HIPK3: variants seen among roughly 807,000 people sequenced by gnomAD.
The protein encoded by HIPK3 is homeodomain-interacting protein kinase 3.
HIPK3 carries 47 observed loss-of-function variants against 124.2 expected under a neutral mutation model. That is an observed-to-expected ratio of 0.38 (90% confidence interval 0.30 to 0.48). The LOEUF is 0.48. Ranked by LOEUF, HIPK3 falls within the 20% of genes least tolerant of loss-of-function variation. The probability of loss-of-function intolerance (pLI) is 0.98; values close to 1 mark genes in which losing one functional copy is unlikely to be tolerated. For synonymous variants in HIPK3, 482 were observed against 515.2 expected (o/e 0.94, Z 0.87); for missense variants, 1,286 against 1,454.3 (o/e 0.88, Z 1.88).
At chr11:33,316,149 G>A (rs1315373024) in intron 2 of HIPK3, among the ~76,000 whole-genome samples, 2 of 152,200 alleles carry the variant, frequency 1.3e-5, no homozygotes, top group African/African-American at 4.8e-5. Context: ...AAAAATATTT[G>A]TAGAAGCGGT....
At chr11:33,306,147 G>A (rs1852152421) in intron 2 of HIPK3, among the ~76,000 whole-genome samples, 1 of 151,986 alleles carries the variant, frequency 6.6e-6, no homozygotes, top group Non-Finnish European at 1.5e-5. Flanking sequence ...AATGAGAATT[G>A]GTATATCAAC....
At chr11:33,342,542 CTTTT>C (rs371154303) in intron 8 of HIPK3, among the ~76,000 whole-genome samples, 36 of 135,964 alleles carry the variant, frequency 2.6e-4, no homozygotes, top group Non-Finnish European at 2.4e-4. Context: ...GCTATACATT[CTTTT>C]TTTTTTTTTT....
chr11:33,304,722 GT>G (rs956331200), intron 2 of HIPK3, among the ~76,000 whole-genome samples: 6 of 152,188 alleles, frequency 3.9e-5, no homozygotes, highest in African/African-American at 1.2e-4. Context: ...TACACATTCA[GT>G]TTTTTGATTA....
At chr11:33,258,621 G>C (rs1325657834) in intron 1 of HIPK3, 2 of 985,310 alleles carry the variant, frequency 2.0e-6, no homozygotes, top group African/African-American at 3.5e-5. Flanking sequence ...CGCACTGGGA[G>C]AACTGGCGGA....
chr11:33,313,297 GATTT>G (rs1852402001), intron 2 of HIPK3, among the ~76,000 whole-genome samples: 2 of 152,204 alleles, frequency 1.3e-5, no homozygotes, highest in Admixed American at 1.3e-4. Context: ...ATGAATCTGG[GATTT>G]ATTTATTTTT....
intron 2 of HIPK3, among the ~76,000 whole-genome samples, chr11:33,296,926 G>A (rs115377205): frequency 0.012 from 1,822 of 152,240 alleles, 41 homozygotes; most frequent in African/African-American, 0.04. Flanking sequence ...TAAGTTTAGC[G>A]AGGAAGGCGT....
chr11:33,333,942 T>C (rs1361344004), intron 3 of HIPK3, among the ~76,000 whole-genome samples: 1 of 152,242 alleles, frequency 6.6e-6, no homozygotes, highest in Non-Finnish European at 1.5e-5. Context: ...CTTTTCTGTC[T>C]GATGCAGCAT....
intron 1 of HIPK3, among the ~76,000 whole-genome samples, chr11:33,270,658 A>G (rs954306435): frequency 1.3e-5 from 2 of 152,194 alleles, no homozygotes; most frequent in African/African-American, 2.4e-5. Flanking sequence ...ATTTAAAATA[A>G]TAATAGTTGA....
chr11:33,285,130 T>C (rs1851513232), intron 1 of HIPK3, among the ~76,000 whole-genome samples: 1 of 152,226 alleles, frequency 6.6e-6, no homozygotes, highest in Non-Finnish European at 1.5e-5. Context: ...GTTTATAAAA[T>C]CATTATACAT....
In HIPK3 at chr11:33,286,311, T is replaced by C. The variant is rs1851548442; in HGVS notation, c.-2-102T>C. On this transcript the variant is annotated intron_variant, in intron 1 of 16. Transcript: ENST00000303296. ...TTTTACAAATTGTGAATTTGACCCTTAAGAGTTTTCTTCCTGATATTTAAA... is the reference window on the plus strand; with the variant it reads ...TTTTACAAATTGTGAATTTGACCCTCAAGAGTTTTCTTCCTGATATTTAAA... 3 of 1,076,282 alleles carry C rather than the reference T, an allele frequency of 2.8e-6. No homozygotes were observed. In the South Asian group the frequency reaches 6.1e-5, roughly 22 times the overall value. The allele number at this position is 1,076,282 out of a possible 1,614,324, so 66.7% of individuals were successfully genotyped here. A position where few individuals can be genotyped will look rare whatever the true frequency, so the allele number is the denominator to read the frequency against.
At chr11:33,335,870 C>T (rs906542349) in intron 3 of HIPK3, 3 of 152,144 alleles carry the variant, frequency 2.0e-5, no homozygotes, top group African/African-American at 7.2e-5. Context: ...AGAGATCTCT[C>T]TCTTTGCTAA....
At chr11:33,284,166 G>A (rs917815018) in intron 1 of HIPK3, among the ~76,000 whole-genome samples, 3 of 152,124 alleles carry the variant, frequency 2.0e-5, no homozygotes, top group Admixed American at 6.5e-5. Flanking sequence ...TTTGTTATAA[G>A]AGTAGGAGAC....
At chr11:33,325,717 A>G (rs1852792513) in intron 2 of HIPK3, among the ~76,000 whole-genome samples, 1 of 152,168 alleles carries the variant, frequency 6.6e-6, no homozygotes. Context: ...TATTCTTTAC[A>G]AGGTTCTAGG....
Position 33,353,265 on chromosome 11 carries a change from G to GCCTA in HIPK3, c.3347_3350dup (p.Leu1118TyrfsTer13). The GCCTA allele has an allele frequency of 6.2e-7, 1 of 1,614,128 alleles. No homozygotes were observed. The highest frequency in any genetic ancestry group is 8.5e-7 in the Non-Finnish European group (1 of 1,180,008). On this transcript the variant is annotated frameshift_variant, in exon 17 of 17. Coordinates refer to ENST00000303296, the MANE Select transcript of HIPK3 (RefSeq NM_005734.5). LOFTEE classifies it high-confidence loss of function. ...CTGGAAATACACACCTCGGAGGACA[G>GCCTA]CCTACTCTACTTCCATACCCATCAT...
intron 1 of HIPK3, among the ~76,000 whole-genome samples, chr11:33,282,713 C>T (rs1851444449): frequency 6.6e-6 from 1 of 151,982 alleles, no homozygotes; most frequent in African/African-American, 2.4e-5. Context: ...ATTTAATCAT[C>T]TCTTTTTCTG....
In HIPK3 at chr11:33,347,864, A is replaced by T. The variant is rs760175904; in HGVS notation, c.2157A>T (p.Ser719=). ...HRLGDWGKMI[S]CSNHYNSVMP... ...AACTTCTCCCTAGGAAGATGATTTC[A>T]TGCAGCAATCATTATAACTCAGTGA... Residue 719 remains serine (S), a synonymous_variant, in exon 11 of 17, where the codon TCA becomes TCT. Coordinates refer to ENST00000303296, the MANE Select transcript of HIPK3 (RefSeq NM_005734.5). 20 of 1,614,152 alleles carry T rather than the reference A, an allele frequency of 1.2e-5. No individual in the cohort carries two copies. The highest frequency in any genetic ancestry group is 1.6e-5 in the Non-Finnish European group (19 of 1,179,978).
chr11:33,257,793 G>T lies in HIPK3; in HGVS notation c.-99G>T. 1.0e-6 allele frequency: 1 copy of T among 986,734 alleles called. No individual in the cohort carries two copies. The highest frequency in any genetic ancestry group is 1.2e-6 in the Non-Finnish European group (1 of 830,980). 61.1% of individuals were successfully genotyped at this position (986,734 alleles called of 1,614,324 possible). A position where few individuals can be genotyped will look rare whatever the true frequency, so the allele number is the denominator to read the frequency against. The stretch of plus-strand genomic sequence containing the variant: ...GCTGGGTGGTGCCGCCTGCTGAAGC[G>T]CCTGGCTCCCGGTCCCCGGCACGGC... On this transcript the variant is annotated 5_prime_UTR_variant, in exon 1 of 17. Transcript: ENST00000303296.
intron 2 of HIPK3, among the ~76,000 whole-genome samples, chr11:33,294,209 A>C (rs952462741): frequency 1.3e-5 from 2 of 152,102 alleles, no homozygotes; most frequent in South Asian, 4.1e-4. Context: ...AGAGAAGTTT[A>C]AACTTTTTTA....
At chr11:33,338,908 C>A in intron 5 of HIPK3, 65 bp downstream of exon 5, 2 of 1,110,564 alleles carry the variant, frequency 1.8e-6, no homozygotes, top group Non-Finnish European at 2.7e-6. Context: ...TGCCAAGGGG[C>A]CCAAAACATG....
Sources: allele counts gnomAD v4.1 joint callset (sites outside exome capture counted in the v4.1 genomes callset), GRCh38; gene constraint gnomAD v4.1.1; transcripts MANE v1.5; gene names NCBI Gene and HGNC (gene_info 2026-07-23, HGNC 2026-07-21).